The following KCTD16 variants were observed in gnomAD, a reference collection of about 807,000 sequenced individuals.
KCTD16 encodes BTB/POZ domain-containing protein KCTD16.
KCTD16 carries 13 observed loss-of-function variants against 33.2 expected under a neutral mutation model. That is an observed-to-expected ratio of 0.39 (90% CI 0.25 to 0.62). The LOEUF is 0.62. Among genes scored for constraint, KCTD16 ranks in the 20% least tolerant of loss-of-function variants. The pLI is 0.50. For missense variants in KCTD16, 441 were observed against 525.1 expected (o/e 0.84, Z 1.57); for synonymous variants, 197 against 195.3 (o/e 1.01, Z -0.07).
intron 3 of KCTD16, among the ~76,000 whole-genome samples, chr5:144,245,077 T>C (rs1176329443): frequency 2.6e-5 from 4 of 152,230 alleles, no homozygotes; most frequent in African/African-American, 9.6e-5. Flanking sequence ...TATGTTTTGT[T>C]TATTCCATTG....
intron 3 of KCTD16, among the ~76,000 whole-genome samples, chr5:144,354,841 G>A (rs1320489638): frequency 6.6e-6 from 1 of 152,072 alleles, no homozygotes; most frequent in African/African-American, 2.4e-5. Context: ...CTATTCTAGG[G>A]TTTAACTTTC....
chr5:144,349,679 C>A (rs1213699368), intron 3 of KCTD16, among the ~76,000 whole-genome samples: 2 of 152,180 alleles, frequency 1.3e-5, no homozygotes, highest in Admixed American at 1.3e-4. Flanking sequence ...TGTTTGCCTG[C>A]CATGCTGAGA....
chr5:144,331,677 A>G (rs1752362247), intron 3 of KCTD16, among the ~76,000 whole-genome samples: 1 of 152,168 alleles, frequency 6.6e-6, no homozygotes, highest in African/African-American at 2.4e-5. Flanking sequence ...CACCAATGGT[A>G]GTATCATGTT....
intron 3 of KCTD16, among the ~76,000 whole-genome samples, chr5:144,369,660 G>A (rs1421392884): frequency 3.3e-5 from 5 of 152,032 alleles, no homozygotes; most frequent in Admixed American, 2.6e-4. Flanking sequence ...AATACACATT[G>A]TTATAAGGAA....
intron 3 of KCTD16, among the ~76,000 whole-genome samples, chr5:144,349,255 C>T (rs537227602): frequency 4.7e-4 from 71 of 152,258 alleles, no homozygotes; most frequent in African/African-American, 1.7e-3. Context: ...ACATGTGTGG[C>T]CTCTGTAATT....
At chr5:144,458,468 C>T (rs1183319073) in intron 3 of KCTD16, among the ~76,000 whole-genome samples, 1 of 151,758 alleles carries the variant, frequency 6.6e-6, no homozygotes, top group Non-Finnish European at 1.5e-5. Context: ...AGATTTCTGT[C>T]GCAGAGGCTG....
At position 144,474,127 on chromosome 5, in the gene KCTD16, G is replaced by A. The variant is rs1336181544; in HGVS notation, c.*13G>A. 6.5e-7 allele frequency: 1 copy of A among 1,543,498 alleles called. No homozygotes were observed. The highest frequency in any genetic ancestry group is 2.3e-5 in the East Asian group (1 of 44,240). Reference sequence around the variant, plus strand: ...GTATCATCTATAAGGGAGGGCTGGGGGCGGGAAAAGAAAAAAAAAAGTCAT... The same window carrying A: ...GTATCATCTATAAGGGAGGGCTGGGAGCGGGAAAAGAAAAAAAAAAGTCAT... On this transcript the variant is annotated 3_prime_UTR_variant, in exon 4 of 4. Coordinates refer to ENST00000512467, the MANE Select transcript of KCTD16 (RefSeq NM_020768.4).
At chr5:144,250,738 C>G (rs1478627926) in intron 3 of KCTD16, among the ~76,000 whole-genome samples, 2 of 152,108 alleles carry the variant, frequency 1.3e-5, no homozygotes, top group Non-Finnish European at 2.9e-5. Context: ...AGATATTTAA[C>G]CTTGCTAAGC....
intron 2 of KCTD16, among the ~76,000 whole-genome samples, chr5:144,200,204 A>G (rs1327941817): frequency 6.6e-6 from 1 of 152,134 alleles, no homozygotes; most frequent in Non-Finnish European, 1.5e-5. Flanking sequence ...TTCACTTAGA[A>G]GAACTTTATC....
intron 3 of KCTD16, among the ~76,000 whole-genome samples, chr5:144,225,124 C>A (rs890919920): frequency 1.3e-5 from 2 of 152,050 alleles, no homozygotes; most frequent in Admixed American, 6.6e-5. Context: ...TTCGAACTGC[C>A]AAAACAGAGC....
chr5:144,438,732 G>T (rs1373680370), intron 3 of KCTD16, among the ~76,000 whole-genome samples: 1 of 152,232 alleles, frequency 6.6e-6, no homozygotes, highest in Non-Finnish European at 1.5e-5. Context: ...GCTAAGGAAA[G>T]TATGTTTTCT....
intron 3 of KCTD16, among the ~76,000 whole-genome samples, chr5:144,392,992 T>G (rs1752484536): frequency 1.3e-5 from 2 of 152,190 alleles, no homozygotes; most frequent in South Asian, 2.1e-4. Flanking sequence ...TTATATTAAT[T>G]GATACTGTGC....
chr5:144,330,192 C>T (rs563800026), intron 3 of KCTD16, among the ~76,000 whole-genome samples: 8 of 152,168 alleles, frequency 5.3e-5, no homozygotes, highest in Middle Eastern at 3.4e-3. Context: ...GTGGGTGGAT[C>T]ACCTGAGGTT....
chr5:144,457,574 C>T (rs1754096374), intron 3 of KCTD16, among the ~76,000 whole-genome samples: 1 of 152,054 alleles, frequency 6.6e-6, no homozygotes, highest in Non-Finnish European at 1.5e-5. Context: ...GGAGGGAAAC[C>T]AGATTAAGGA....
intron 3 of KCTD16, among the ~76,000 whole-genome samples, chr5:144,229,915 G>C (rs1754047318): frequency 6.6e-6 from 1 of 152,234 alleles, no homozygotes; most frequent in South Asian, 2.1e-4. Context: ...GCCGAGGCGG[G>C]CTAATCACTT....
chr5:144,198,930 T>G (rs1470251838), intron 2 of KCTD16, among the ~76,000 whole-genome samples: 1 of 152,228 alleles, frequency 6.6e-6, no homozygotes, highest in African/African-American at 2.4e-5. Context: ...GGTAAGTACC[T>G]CTTTCAAACT....
At position 144,479,796 on chromosome 5, in the gene KCTD16, C is replaced by T. The variant is rs1754669249; in HGVS notation, c.*5682C>T. ...AATGTTAAGTTCCCAGACTGTCATC[C>T]TTGCATTATTTAGGAAATTTACTTT... On this transcript the variant is annotated 3_prime_UTR_variant, in exon 4 of 4. Coordinates refer to ENST00000512467, the MANE Select transcript of KCTD16 (RefSeq NM_020768.4). 6.6e-6 allele frequency: 1 copy of T among 151,866 alleles called. No individual in the cohort carries two copies. The highest frequency in any genetic ancestry group is 2.1e-4 in the South Asian group (1 of 4,804). The allele number at this position is 151,866 out of a possible 1,614,324, so 9.4% of individuals were successfully genotyped here. A position where few individuals can be genotyped will look rare whatever the true frequency, so the allele number is the denominator to read the frequency against.
intron 2 of KCTD16, among the ~76,000 whole-genome samples, chr5:144,190,200 C>CT (rs1402006173): frequency 1.3e-5 from 2 of 152,208 alleles, no homozygotes; most frequent in African/African-American, 4.8e-5. Flanking sequence ...GTCTGTCTCT[C>CT]TTACTAGACT....
At chr5:144,360,666 G>A (rs576556058) in intron 3 of KCTD16, among the ~76,000 whole-genome samples, 10 of 152,068 alleles carry the variant, frequency 6.6e-5, no homozygotes, top group East Asian at 3.9e-4. Flanking sequence ...TCCTGAGCTC[G>A]TGATCCACCC....
Sources: gnomAD v4.1 joint callset for allele counts (sites outside exome capture counted in the v4.1 genomes callset) on GRCh38, gnomAD v4.1.1 for gene constraint, MANE v1.5 for transcripts, NCBI Gene and HGNC (gene_info 2026-07-23, HGNC 2026-07-21) for gene names.